The following IGSF22 variants were observed in gnomAD, a reference collection of about 807,000 sequenced individuals.
IGSF22 encodes the protein immunoglobulin superfamily, member 22.
IGSF22 carries 119 observed loss-of-function variants against 127.0 expected under a neutral mutation model. The ratio of observed to expected loss-of-function variants is 0.94; its 90% CI spans 0.81 to 1.09. The LOEUF is 1.09. IGSF22 is among the 50% of genes least tolerant of loss of function. The pLI, the probability that IGSF22 is intolerant of heterozygous loss-of-function variation, is 0.00. For synonymous variants in IGSF22, 568 were observed against 664.7 expected, an observed-to-expected ratio of 0.85 and a Z score of 2.24; for missense variants, 1,518 against 1,716.6, an observed-to-expected ratio of 0.88 and a Z score of 2.04.
intron 14 of IGSF22, among the ~76,000 whole-genome samples, chr11:18,713,190 T>C (rs1848390105): frequency 6.6e-6 from 1 of 151,096 alleles, no homozygotes; most frequent in African/African-American, 2.4e-5. Context: ...TCTTGCTCTG[T>C]TGCCCAGGCT....
At chr11:18,719,640 A>G (rs1203156924) in intron 7 of IGSF22, 76 bp downstream of exon 7, 1 of 1,447,212 alleles carries the variant, frequency 6.9e-7, no homozygotes, top group Non-Finnish European at 9.4e-7. Flanking sequence ...TCTTGCTGAG[A>G]AATACACAGG....
chr11:18,709,673 G>C lies in IGSF22; in HGVS notation c.2712C>G (p.Gly904=). The change falls in exon 18 of 23, where the codon GGC becomes GGG. Residue 904 remains glycine, a synonymous_variant. Coordinates refer to ENST00000513874, the MANE Select transcript of IGSF22 (RefSeq NM_173588.4). This position sits in a 1 kb window ranked among gnomAD's most constrained non-coding sequence, Gnocchi z 4.8. ...CAGATACATGCAGGTCCTGGACCAG[G>C]CCTGGGGGTTCTGGGGTAGAACAGA... is the stretch of plus-strand genomic sequence containing the variant. The part of the protein sequence containing the change: ...VVAKDPVKPP[G]LVQDLHVSDS... The C allele has an allele frequency of 6.2e-7, 1 of 1,613,552 alleles. No homozygotes were observed. The highest frequency in any genetic ancestry group is 1.7e-5 in the Admixed American group (1 of 59,988).
Position 18,707,885 on chromosome 11 carries a change from G to C in IGSF22, c.3199C>G (p.Arg1067Gly), listed in dbSNP as rs766517586. The part of the protein sequence containing the change: ...HSQFLINSTK[R>G]SDSGVYRILL... ...ATTCGGTACACCCCTGAGTCAGAGCGCTTGGTGCTATTAATGAGGAACTGG... is the reference window on the plus strand; with the variant it reads ...ATTCGGTACACCCCTGAGTCAGAGCCCTTGGTGCTATTAATGAGGAACTGG... Residue 1067 changes from arginine to glycine, a missense_variant, in exon 20 of 23, where the codon CGC (arginine) becomes GGC (glycine). Physicochemically the swap from Arg to Gly is moderately radical, Grantham distance 125 (BLOSUM62 -2). Coordinates refer to ENST00000513874, the MANE Select transcript of IGSF22 (RefSeq NM_173588.4). The C allele has an allele frequency of 6.2e-7, 1 of 1,614,172 alleles. No individual in the cohort carries two copies. Among genetic ancestry groups the C allele is most frequent in the East Asian group, 2.2e-5 (1 of 44,886 alleles).
At chr11:18,706,441 T>G in intron 21 of IGSF22, 2 of 473,370 alleles carry the variant, frequency 4.2e-6, no homozygotes, top group Admixed American at 3.7e-5. Context: ...GACCCGGTTA[T>G]TCCCAGCCTT....
intron 7 of IGSF22, 33 bp downstream of exon 7, chr11:18,719,683 C>A (rs766327437): frequency 1.9e-5 from 30 of 1,603,124 alleles, no homozygotes; most frequent in Non-Finnish European, 2.6e-5. Flanking sequence ...CTGCCCCTAG[C>A]CTGCAGGCCC....
chr11:18,715,393 GGGGGATTGGTCAGT>G, intron 11 of IGSF22, 25 bp downstream of exon 11: 1 of 1,576,844 alleles, frequency 6.3e-7, no homozygotes, highest in Non-Finnish European at 8.6e-7. Flanking sequence ...GCCAGGGTCA[GGGGGATTGGTCAGT>G]GGGGATTGAT....
Position 18,714,545 on chromosome 11 carries a change from C to T in IGSF22, c.1611G>A (p.Leu537=). ...ACACACCCTCCACCTTCTCGTCATT[C>T]AGCACTACACACAACTCAGCTGGGC... ...TGSPAELCVV[L]NDEKVEGVWL... The change falls in exon 12 of 23, where the codon CTG becomes CTA. Residue 537 remains leucine (L), a synonymous_variant. Coordinates refer to ENST00000513874, the MANE Select transcript of IGSF22 (RefSeq NM_173588.4). 2.5e-6 allele frequency: 4 copies of T among 1,614,216 alleles called. No individual in the cohort carries two copies. The highest frequency in any genetic ancestry group is 3.4e-6 in the Non-Finnish European group (4 of 1,180,042).
At chr11:18,722,133 A>T (rs909163342) in intron 2 of IGSF22, 92 bp from the exon 3 acceptor site, 9 of 1,490,682 alleles carry the variant, frequency 6.0e-6, no homozygotes, top group Non-Finnish European at 7.4e-6. Flanking sequence ...ACGGTGGAGC[A>T]TGGGAACAAA....
chr11:18,706,642 A>C (rs757490563), intron 21 of IGSF22: 113 of 421,344 alleles, frequency 2.7e-4, no homozygotes, highest in Non-Finnish European at 3.9e-4. Context: ...CTCCCCTCAG[A>C]GCAGAACGCG....
At position 18,714,014 on chromosome 11, in the gene IGSF22, C is replaced by A; in HGVS notation, c.1933G>T (p.Gly645Cys). 6.2e-7 allele frequency: 1 copy of A among 1,614,288 alleles called. No homozygotes were observed. Among genetic ancestry groups the A allele is most frequent in the Non-Finnish European group, 8.5e-7 (1 of 1,180,052 alleles). Residue 645 changes from glycine (G) to cysteine (C), a missense_variant, in exon 14 of 23, where the codon GGC becomes TGC. Physicochemically the swap from Gly to Cys is radical, Grantham distance 159. This residue lies in a region of IGSF22 where 1,456 missense variants were observed against 1,644.9 expected (regional missense o/e 0.89). Coordinates refer to ENST00000513874, the MANE Select transcript of IGSF22 (RefSeq NM_173588.4). ...CGTTCCTCCTCCGTCACTTCCATGC[C>A]ATCCTTGTACCATGTCACTTTGGGC... Reference protein sequence around the residue: ...PLPKVTWYKDGMEVTEEERVS... With the variant: ...PLPKVTWYKDCMEVTEEERVS...
chr11:18,704,570 A>T, intron 22 of IGSF22, 32 bp from the exon 23 acceptor site: 1 of 1,378,562 alleles, frequency 7.3e-7, no homozygotes, highest in Non-Finnish European at 1.0e-6. Flanking sequence ...TCGTTATATT[A>T]ATGATGCTGG....
chr11:18,717,986 G>A lies in IGSF22; in HGVS notation c.918C>T (p.Gly306=). ...TATCGCCCACGGACAGGCTGTAGAT[G>A]CCAGCATCGTTCATGTTCACGTTGC... is the stretch of plus-strand genomic sequence containing the variant. The part of the protein sequence containing the change: ...VISNVNMNDA[G]IYSLSVGDKR... The change falls in exon 9 of 23, where the codon GGC becomes GGT. Residue 306 remains glycine, a synonymous_variant. Transcript: ENST00000513874. 6.2e-7 allele frequency: 1 copy of A among 1,614,246 alleles called. No individual in the cohort carries two copies. Among genetic ancestry groups the A allele is most frequent in the Middle Eastern group, 1.7e-4 (1 of 6,060 alleles).
intron 9 of IGSF22, among the ~76,000 whole-genome samples, chr11:18,717,357 A>C (rs1308972565): frequency 6.6e-6 from 1 of 152,216 alleles, no homozygotes; most frequent in African/African-American, 2.4e-5. Context: ...CTTGACCTAA[A>C]TCACAAAGCT....
intron 2 of IGSF22, 120 bp downstream of exon 2, chr11:18,724,008 T>A: frequency 1.5e-6 from 1 of 679,960 alleles, no homozygotes; most frequent in East Asian, 2.6e-5. Flanking sequence ...TGGGGGTTGC[T>A]GTTGGTATTG....
At chr11:18,714,255 C>A in intron 13 of IGSF22, 22 bp downstream of exon 13, 1 of 1,604,044 alleles carries the variant, frequency 6.2e-7, no homozygotes, top group Non-Finnish European at 8.5e-7. Flanking sequence ...TTGAGCTTTG[C>A]CTACCTTGGA....
intron 11 of IGSF22, 123 bp downstream of exon 11, chr11:18,715,309 C>T (rs1848441165): frequency 7.4e-6 from 7 of 945,708 alleles, no homozygotes; most frequent in Non-Finnish European, 1.1e-5. Context: ...AGTGGGGAGA[C>T]ACAAGTTGGT....
intron 21 of IGSF22, 118 bp downstream of exon 21, chr11:18,706,796 G>T (rs542685594): frequency 1.0e-5 from 8 of 794,416 alleles, no homozygotes; most frequent in Non-Finnish European, 1.4e-5. Flanking sequence ...GATATTAACC[G>T]TTCTATCTCA....
At chr11:18,717,865 C>A in intron 9 of IGSF22, 66 bp downstream of exon 9, 1 of 1,557,556 alleles carries the variant, frequency 6.4e-7, no homozygotes, top group Non-Finnish European at 8.8e-7. Flanking sequence ...TGGATCCCAA[C>A]CCTGGCCATT....
chr11:18,706,495 AG>A (rs1338911443), intron 21 of IGSF22: 3 of 402,638 alleles, frequency 7.5e-6, no homozygotes, highest in African/African-American at 6.1e-5. Flanking sequence ...CAGCGACCAC[AG>A]TCTCCCCTCT....
Sources: gnomAD v4.1 joint callset for allele counts (sites outside exome capture counted in the v4.1 genomes callset) on GRCh38, gnomAD v4.1.1 for gene constraint, gnomAD v4.1.1 regional missense constraint, Gnocchi (gnomAD v3.1) non-coding constraint, MANE v1.5 for transcripts, NCBI Gene and HGNC (gene_info 2026-07-23, HGNC 2026-07-21) for gene names.